Variants in ARSG observed in about 807,000 individuals in gnomAD.
ARSG encodes the protein arylsulfatase G, also known as ASG.
A neutral mutation model predicts 50.5 loss-of-function variants in ARSG; 37 were observed. The observed-to-expected ratio is 0.73, with a 90% CI of 0.56 to 0.96. The LOEUF (loss-of-function observed/expected upper bound fraction) is 0.96, where lower values mean the gene tolerates loss of function less well. Ranked by LOEUF, ARSG falls within the 50% of genes least tolerant of loss-of-function variation. ARSG has a pLI of 0.00. For missense variants in ARSG, 629 were observed against 675.3 expected (o/e 0.93, Z 0.76); for synonymous variants, 225 against 254.6 (o/e 0.88, Z 1.11).
intron 1 of ARSG, chr17:68,278,403 A>T (rs1257343802): frequency 7.4e-6 from 6 of 811,718 alleles, no homozygotes; most frequent in Non-Finnish European, 1.2e-5. Context: ...TTAAGCAAAC[A>T]ACAGATAAGA....
intron 1 of ARSG, among the ~76,000 whole-genome samples, chr17:68,260,646 C>T (rs1287982341): frequency 3.1e-4 from 47 of 152,250 alleles, no homozygotes; most frequent in African/African-American, 1.1e-3. Flanking sequence ...CACCACCATG[C>T]CCCGTGTATT....
intron 8 of ARSG, among the ~76,000 whole-genome samples, chr17:68,372,087 G>A (rs1445780361): frequency 1.3e-5 from 2 of 152,136 alleles, no homozygotes; most frequent in Admixed American, 6.5e-5. Flanking sequence ...AGGTATTTGT[G>A]TCCAAGAGGT....
At chr17:68,299,191 G>A (rs576392959) in intron 1 of ARSG, among the ~76,000 whole-genome samples, 7 of 145,032 alleles carry the variant, frequency 4.8e-5, no homozygotes, top group South Asian at 2.1e-4. Context: ...TGCAACCTCC[G>A]TCTCCTGGGT....
chr17:68,352,063 GGAGAGAGAGAGAGAGAGAGACAGAGGA>G (rs1568506314), intron 5 of ARSG, among the ~76,000 whole-genome samples: 6 of 141,394 alleles, frequency 4.2e-5, no homozygotes, highest in Non-Finnish European at 9.2e-5. Flanking sequence ...GAGAGACAGA[GGAGAGAGAGAGAGAGAGAGACAGAGGA>G]GAGAGAGAGA....
chr17:68,295,985 A>C (rs1451765692), intron 1 of ARSG, among the ~76,000 whole-genome samples: 1 of 151,950 alleles, frequency 6.6e-6, no homozygotes, highest in Non-Finnish European at 1.5e-5. Context: ...GGCCTAAAAA[A>C]TATATATTTT....
chr17:68,432,601 G>C, the ARSG span, among the ~76,000 whole-genome samples: 1 of 152,144 alleles, frequency 6.6e-6, no homozygotes, highest in East Asian at 1.9e-4. Context: ...GTATCAGCGT[G>C]ATAAGGTGCC....
chr17:68,322,559 G>T (rs1466386382), intron 2 of ARSG, among the ~76,000 whole-genome samples: 1 of 152,100 alleles, frequency 6.6e-6, no homozygotes, highest in African/African-American at 2.4e-5. Context: ...GGAGGTTGCA[G>T]TGCGCCAAGA....
At chr17:68,260,014 T>C (rs1283535076) in intron 1 of ARSG, among the ~76,000 whole-genome samples, 1 of 152,212 alleles carries the variant, frequency 6.6e-6, no homozygotes, top group Non-Finnish European at 1.5e-5. Flanking sequence ...CTGGCTTCGG[T>C]GTTAACTTGT....
intron 2 of ARSG, among the ~76,000 whole-genome samples, chr17:68,315,671 C>T (rs1555768251): frequency 6.6e-6 from 1 of 152,086 alleles, no homozygotes; most frequent in Non-Finnish European, 1.5e-5. Context: ...CTTGCTCTAT[C>T]GCCTAGGCTG....
chr17:68,346,505 C>A (rs192816851), intron 3 of ARSG, among the ~76,000 whole-genome samples: 3 of 152,160 alleles, frequency 2.0e-5, no homozygotes, highest in Non-Finnish European at 4.4e-5. Flanking sequence ...CTCCTCAGAG[C>A]GGAAGAGCAG....
At chr17:68,401,497 C>T (rs930641853) in intron 11 of ARSG, 47 bp downstream of exon 11, 27 of 1,572,042 alleles carry the variant, frequency 1.7e-5, no homozygotes, top group Non-Finnish European at 2.3e-5. Flanking sequence ...CACAGCTGCA[C>T]GGGGACCCCA....
chr17:68,405,130 C>CTTT lies in ARSG; in HGVS notation c.1303+3699_1303+3701dup, dbSNP rs58178643. Among the ~76,000 whole-genome samples, 75 of 92,948 alleles carry CTTT rather than the reference C, an allele frequency of 8.1e-4. 1 individual carries two copies. Among genetic ancestry groups the CTTT allele is most frequent in the African/African-American group, 2.8e-3 (67 of 23,912 alleles). The allele number at this position is 92,948 out of a possible 152,430, so 61.0% of individuals were successfully genotyped here. Reference sequence around the variant, plus strand: ...GGAGTGTGAGTCCTACAGCTTTGGGCTTTTTTTTTTTTTTTTTTTTTAGAC... The same window carrying CTTT: ...GGAGTGTGAGTCCTACAGCTTTGGGCTTTTTTTTTTTTTTTTTTTTTTTTAGAC... On this transcript the variant is annotated intron_variant, in intron 11 of 11. Coordinates refer to ENST00000621439, the MANE Select transcript of ARSG (RefSeq NM_001267727.2).
intron 2 of ARSG, among the ~76,000 whole-genome samples, chr17:68,338,361 T>G (rs745495118): frequency 8.5e-5 from 13 of 152,198 alleles, no homozygotes; most frequent in Non-Finnish European, 1.8e-4. Context: ...CCTCTCCGCT[T>G]TAAAACTTCA....
At chr17:68,424,343 G>A, downstream of ARSG, 1 of 485,040 alleles carries the variant, frequency 2.1e-6, no homozygotes, top group South Asian at 1.5e-5. Context: ...CCCCAGCCCT[G>A]CATGCAGGGC....
At chr17:68,444,060 T>C in the ARSG span, among the ~76,000 whole-genome samples, 1 of 152,238 alleles carries the variant, frequency 6.6e-6, no homozygotes, top group Non-Finnish European at 1.5e-5. Context: ...ATAAAACATA[T>C]TCTTTATGGT....
chr17:68,324,124 T>C (rs944290037), intron 2 of ARSG, among the ~76,000 whole-genome samples: 2 of 150,552 alleles, frequency 1.3e-5, no homozygotes, highest in Non-Finnish European at 3.0e-5. Context: ...GCCCTCAAGC[T>C]TCACAAAGTA....
intron 1 of ARSG, among the ~76,000 whole-genome samples, chr17:68,300,359 G>C (rs553116737): frequency 6.6e-6 from 1 of 152,332 alleles, no homozygotes; most frequent in East Asian, 1.9e-4. Context: ...TGTTGGGTAA[G>C]TACATGTGAG....
intron 1 of ARSG, among the ~76,000 whole-genome samples, chr17:68,294,031 C>G (rs1281404660): frequency 1.3e-5 from 2 of 152,192 alleles, no homozygotes; most frequent in Non-Finnish European, 2.9e-5. Flanking sequence ...AAAACTAACT[C>G]TGTTTAGTTC....
Position 68,368,529 on chromosome 17 carries a change from C to T in ARSG, c.705-19C>T, listed in dbSNP as rs748327498. 1 of 1,611,426 alleles carries T rather than the reference C, an allele frequency of 6.2e-7. No individual in the cohort carries two copies. The highest frequency in any genetic ancestry group is 1.1e-5 in the South Asian group (1 of 90,848). On this transcript the variant is annotated intron_variant, in intron 6 of 11. Transcript: ENST00000621439. ...AGGAGAGCCTTCTGCAGAGTCACCT[C>T]TTGGTTCTCCTGTTTCAGCACCAGC...
Sources: gnomAD v4.1 joint callset for allele counts (sites outside exome capture counted in the v4.1 genomes callset) on GRCh38, gnomAD v4.1.1 for gene constraint, MANE v1.5 for transcripts, NCBI Gene and HGNC (gene_info 2026-07-23, HGNC 2026-07-21) for gene names.